The following TEAD1 variants were observed in gnomAD, a reference collection of about 807,000 sequenced individuals.
The protein encoded by TEAD1 is transcriptional enhancer factor TEF-1.
A neutral mutation model predicts 54.9 loss-of-function variants in TEAD1; 9 were observed. The observed-to-expected ratio is 0.16, with a 90% CI of 0.10 to 0.29. The LOEUF (loss-of-function observed/expected upper bound fraction) is 0.29. TEAD1 is among the 10% of genes least tolerant of loss of function. The probability of loss-of-function intolerance (pLI) is 1.00; values close to 1 mark genes in which losing one functional copy is unlikely to be tolerated. For missense variants in TEAD1, 387 were observed against 535.9 expected, an observed-to-expected ratio of 0.72 and a Z score of 2.74; for synonymous variants, 200 against 187.8, an observed-to-expected ratio of 1.07 and a Z score of -0.53.
At chr11:12,710,176 T>A (rs1017559548) in intron 2 of TEAD1, among the ~76,000 whole-genome samples, 11 of 151,852 alleles carry the variant, frequency 7.2e-5, no homozygotes, top group Non-Finnish European at 1.6e-4. Flanking sequence ...AAAATAAAAT[T>A]AGCCAGGCGT....
intron 3 of TEAD1, among the ~76,000 whole-genome samples, chr11:12,821,443 G>A (rs4757060): frequency 0.52 from 78,888 of 151,966 alleles, 21,299 homozygotes; most frequent in Non-Finnish European, 0.58. Context: ...GCACTGTGGG[G>A]GAATATTTTT....
chr11:12,786,217 A>C (rs1410637978), intron 3 of TEAD1, among the ~76,000 whole-genome samples: 1 of 152,190 alleles, frequency 6.6e-6, no homozygotes, highest in Non-Finnish European at 1.5e-5. Context: ...TTTATTTGAG[A>C]GTAGAGCAGG....
chr11:12,686,475 C>T (rs1943336574), intron 2 of TEAD1, among the ~76,000 whole-genome samples: 1 of 152,116 alleles, frequency 6.6e-6, no homozygotes, highest in Non-Finnish European at 1.5e-5. Flanking sequence ...AAATAATTCT[C>T]ATCATTCATA....
chr11:12,847,472 A>G (rs1947177994), intron 3 of TEAD1, among the ~76,000 whole-genome samples: 1 of 106,342 alleles, frequency 9.4e-6, no homozygotes, highest in African/African-American at 3.7e-5. Context: ...GGAATCATTC[A>G]TTGTTCAGTA....
At chr11:12,716,290 G>A (rs1944060605) in intron 2 of TEAD1, among the ~76,000 whole-genome samples, 1 of 152,070 alleles carries the variant, frequency 6.6e-6, no homozygotes, top group South Asian at 2.1e-4. Context: ...ACAGGTAGGT[G>A]TCTGCGAGGG....
rs72858138 is a variant in TEAD1, at chr11:12,761,438, C to T, written c.-54-2741C>T. Among the ~76,000 whole-genome samples, 1,245 of 152,256 alleles carry T rather than the reference C, an allele frequency of 8.2e-3. 9 individuals are homozygous for T. Among genetic ancestry groups the T allele is most frequent in the Admixed American group, 0.016 (251 of 15,298 alleles). On this transcript the variant is annotated intron_variant, in intron 2 of 12. Transcript: ENST00000527636. ...TGCAGTTATGATTCAGAAGAATCTT[C>T]CCATCTTTGGGCTGTGGGCTGAGGC...
intron 3 of TEAD1, among the ~76,000 whole-genome samples, chr11:12,783,882 C>T (rs999396583): frequency 4.6e-5 from 7 of 152,050 alleles, no homozygotes; most frequent in African/African-American, 9.7e-5. Context: ...CAAGGATGTT[C>T]GAACAGTAAG....
intron 9 of TEAD1, among the ~76,000 whole-genome samples, chr11:12,885,361 G>A (rs892125630): frequency 2.7e-5 from 4 of 150,420 alleles, no homozygotes; most frequent in Admixed American, 1.3e-4. Flanking sequence ...TCAGCCTCCC[G>A]AGTAGCTGGG....
intron 3 of TEAD1, among the ~76,000 whole-genome samples, chr11:12,817,866 A>G (rs1946448417): frequency 6.6e-6 from 1 of 152,188 alleles, no homozygotes; most frequent in Non-Finnish European, 1.5e-5. Flanking sequence ...AGATTGTTAT[A>G]ATTATTTAAT....
intron 3 of TEAD1, among the ~76,000 whole-genome samples, chr11:12,777,426 C>T (rs551264463): frequency 5.3e-5 from 8 of 152,268 alleles, no homozygotes; most frequent in East Asian, 3.9e-4. Flanking sequence ...TTTGTTGAGA[C>T]GGGCTTTGGC....
chr11:12,773,968 A>G (rs1945366444), intron 3 of TEAD1, among the ~76,000 whole-genome samples: 2 of 152,168 alleles, frequency 1.3e-5, no homozygotes, highest in Admixed American at 1.3e-4. Flanking sequence ...GAGGGAACCC[A>G]TTGTCATGAT....
chr11:12,847,984 G>A (rs1188105795), intron 3 of TEAD1, among the ~76,000 whole-genome samples: 1 of 152,166 alleles, frequency 6.6e-6, no homozygotes, highest in African/African-American at 2.4e-5. Context: ...GGTTACCTCT[G>A]GCTGCTTCTA....
chr11:12,870,567 C>G (rs992874041), intron 5 of TEAD1, among the ~76,000 whole-genome samples: 6 of 152,122 alleles, frequency 3.9e-5, no homozygotes, highest in Non-Finnish European at 8.8e-5. Flanking sequence ...CCCCCGCCCC[C>G]CCCGGGGTTG....
Position 12,675,400 on chromosome 11 carries a change from C to T in TEAD1, c.-207-9C>T, listed in dbSNP as rs1443366474. 1 of 152,636 alleles carries T rather than the reference C, an allele frequency of 6.6e-6. No homozygotes were observed. Among genetic ancestry groups the T allele is most frequent in the Non-Finnish European group, 1.5e-5 (1 of 68,458 alleles). 9.5% of individuals were successfully genotyped at this position (152,636 alleles called of 1,614,324 possible). A position where few individuals can be genotyped will look rare whatever the true frequency, so the allele number is the denominator to read the frequency against. ...AAAAAGGGCACGGTCGTCTTTGCCG[C>T]TTCTCCAGGACTGTTGCTGCCGCTG... On this transcript the variant is annotated splice_polypyrimidine_tract_variant and intron_variant, in intron 1 of 12. Coordinates refer to ENST00000527636, the MANE Select transcript of TEAD1 (RefSeq NM_021961.6).
chr11:12,912,222 C>G (rs1224780785), intron 10 of TEAD1, among the ~76,000 whole-genome samples: 1 of 152,048 alleles, frequency 6.6e-6, no homozygotes, highest in African/African-American at 2.4e-5. Context: ...AACTGGGAAG[C>G]AGATGTGATT....
chr11:12,809,760 T>C (rs1007485876), intron 3 of TEAD1, among the ~76,000 whole-genome samples: 1 of 152,126 alleles, frequency 6.6e-6, no homozygotes, highest in Non-Finnish European at 1.5e-5. Flanking sequence ...CTGTGGAGAC[T>C]TCTGTTTGCA....
At chr11:12,898,020 A>T (rs1321815606) in intron 9 of TEAD1, among the ~76,000 whole-genome samples, 1 of 152,174 alleles carries the variant, frequency 6.6e-6, no homozygotes, top group Non-Finnish European at 1.5e-5. Flanking sequence ...CTATTTCCTC[A>T]TCTGTAAAAT....
At chr11:12,869,278 T>G (rs181634177) in intron 5 of TEAD1, among the ~76,000 whole-genome samples, 2 of 152,246 alleles carry the variant, frequency 1.3e-5, no homozygotes, top group East Asian at 3.9e-4. Flanking sequence ...CCTGGGCTGC[T>G]TTAAGAGTGG....
rs536194514 is a variant in TEAD1 at position 12,917,477 on chromosome 11, T to A, written c.874-7435T>A. On this transcript the variant is annotated intron_variant, in intron 10 of 12. Transcript: ENST00000527636. ...TGTGATAATTTGTAGCAGAGAAAAT[T>A]AATATAACAGAAAAAAGCATTAACA... is the stretch of plus-strand genomic sequence containing the variant. Among the ~76,000 whole-genome samples the A allele has an allele frequency of 4.6e-5, 7 of 152,326 alleles. No individual in the cohort carries two copies. In the Middle Eastern group the frequency reaches 0.014, roughly 296 times the overall value.
Sources: gnomAD v4.1 joint callset for allele counts (sites outside exome capture counted in the v4.1 genomes callset) on GRCh38, gnomAD v4.1.1 for gene constraint, MANE v1.5 for transcripts, NCBI Gene and HGNC (gene_info 2026-07-23, HGNC 2026-07-21) for gene names.